The following IRAK2 variants were observed in gnomAD, a reference collection of about 807,000 sequenced individuals.
The protein encoded by IRAK2 is interleukin 1 receptor associated kinase 2, also known as interleukin-1 receptor-associated kinase-like 2.
IRAK2 carries 57 observed loss-of-function variants against 72.0 expected under a neutral mutation model. The ratio of observed to expected loss-of-function variants is 0.79; its 90% confidence interval spans 0.64 to 0.99. The LOEUF is 0.99. Among genes scored for constraint, IRAK2 ranks in the 50% least tolerant of loss-of-function variants. IRAK2 has a pLI of 0.00. For synonymous variants in IRAK2, 293 were observed against 312.7 expected, an observed-to-expected ratio of 0.94 and a Z score of 0.67; for missense variants, 790 against 794.4, an observed-to-expected ratio of 0.99 and a Z score of 0.07.
At chr3:10,212,828 G>A (rs1460217117) in intron 4 of IRAK2, among the ~76,000 whole-genome samples, 8 of 146,270 alleles carry the variant, frequency 5.5e-5, no homozygotes, top group African/African-American at 1.5e-4. Flanking sequence ...GCAGTGGCGC[G>A]ATCTCGGCTC....
At chr3:10,217,146 C>T (rs2125157829) in intron 7 of IRAK2, 98 bp downstream of exon 7, 1 of 829,736 alleles carries the variant, frequency 1.2e-6, no homozygotes, top group African/African-American at 1.7e-5. Flanking sequence ...GGAGAGGGGC[C>T]ATCTAGGTGA....
intron 3 of IRAK2, among the ~76,000 whole-genome samples, chr3:10,207,949 G>GCCA (rs1697456739): frequency 7.0e-6 from 1 of 143,558 alleles, no homozygotes; most frequent in Non-Finnish European, 1.5e-5. Context: ...CTGAGATTGT[G>GCCA]CCACTGCACT....
chr3:10,172,179 G>A (rs1203335400), intron 1 of IRAK2, among the ~76,000 whole-genome samples: 2 of 151,462 alleles, frequency 1.3e-5, no homozygotes, highest in African/African-American at 4.9e-5. Flanking sequence ...GACCATCCTG[G>A]CTAACACAGT....
chr3:10,174,734 A>G (rs1197256048), intron 1 of IRAK2, among the ~76,000 whole-genome samples: 1 of 152,048 alleles, frequency 6.6e-6, no homozygotes, highest in East Asian at 1.9e-4. Context: ...CATGTTGGCC[A>G]GGCTGGTCTC....
At chr3:10,221,128 C>T (rs1432520893) in intron 8 of IRAK2, among the ~76,000 whole-genome samples, 1 of 151,106 alleles carries the variant, frequency 6.6e-6, no homozygotes, top group African/African-American at 2.4e-5. Flanking sequence ...CGCGGTGGCT[C>T]ACGCCTGTAA....
At chr3:10,232,334 A>G (rs895050424) in intron 10 of IRAK2, among the ~76,000 whole-genome samples, 1 of 152,128 alleles carries the variant, frequency 6.6e-6, no homozygotes, top group Non-Finnish European at 1.5e-5. Context: ...GGCAGTTAGC[A>G]CTTGTGACTT....
rs776630647 is a variant in IRAK2, at chr3:10,209,619, C to G, written c.455C>G (p.Ala152Gly). The part of the protein sequence containing the change: ...GSSPARAHQP[A>G]FLQPPEEDAP... The stretch of plus-strand genomic sequence containing the variant: ...TCTCCAGCCAGAGCCCACCAGCCGG[C>G]CTTTCTCCAGCCTCCTGAAGAAGAT... Residue 152 changes from alanine (A) to glycine (G), a missense_variant, in exon 4 of 13, where the codon GCC becomes GGC. Ala to Gly is a moderately conservative substitution (Grantham distance 60). Coordinates refer to ENST00000256458, the MANE Select transcript of IRAK2 (RefSeq NM_001570.4). The G allele has an allele frequency of 8.3e-6, 13 of 1,569,078 alleles. No individual in the cohort carries two copies. The South Asian group carries it at 1.4e-4, about 17-fold the overall frequency.
At chr3:10,232,654 A>G (rs1182097707) in intron 10 of IRAK2, among the ~76,000 whole-genome samples, 1 of 152,134 alleles carries the variant, frequency 6.6e-6, no homozygotes, top group Non-Finnish European at 1.5e-5. Context: ...CATAGCAATG[A>G]TGGCAGGTTT....
chr3:10,204,008 G>A (rs1031776316), intron 3 of IRAK2, among the ~76,000 whole-genome samples: 1 of 152,222 alleles, frequency 6.6e-6, no homozygotes, highest in African/African-American at 2.4e-5. Flanking sequence ...TCAGATGAAA[G>A]GGTTTTGAGC....
chr3:10,184,529 A>G lies in IRAK2; in HGVS notation c.277+6509A>G, dbSNP rs893123009. Among the ~76,000 whole-genome samples, 10 of 147,592 alleles carry G rather than the reference A, an allele frequency of 6.8e-5. 1 individual carries two copies. The highest frequency in any genetic ancestry group is 1.0e-4 in the Non-Finnish European group (7 of 67,972). ...CCCAGTGACCCAGGGCCTCTCAACCAAAGAGAAGCTGTCTGCATCCCCTTC... is the reference window on the plus strand; with the variant it reads ...CCCAGTGACCCAGGGCCTCTCAACCGAAGAGAAGCTGTCTGCATCCCCTTC... On this transcript the variant is annotated intron_variant, in intron 2 of 12. Coordinates refer to ENST00000256458, the MANE Select transcript of IRAK2 (RefSeq NM_001570.4).
At chr3:10,216,885 T>A (rs1386548631) in intron 6 of IRAK2, 49 bp from the exon 7 acceptor site, 1 of 1,381,074 alleles carries the variant, frequency 7.2e-7, no homozygotes, top group Non-Finnish European at 1.0e-6. Context: ...AGGAAGTAGA[T>A]CATTCTTTCC....
At chr3:10,220,694 G>T (rs1458918524) in intron 8 of IRAK2, among the ~76,000 whole-genome samples, 2 of 152,056 alleles carry the variant, frequency 1.3e-5, no homozygotes, top group Non-Finnish European at 2.9e-5. Flanking sequence ...ACCCGCCTTG[G>T]TCTCCTATAG....
intron 12 of IRAK2, among the ~76,000 whole-genome samples, chr3:10,240,459 AAAAAAAAAAGGTACCTTCCATT>A (rs920465214): frequency 2.2e-5 from 3 of 135,654 alleles, no homozygotes; most frequent in African/African-American, 9.8e-5. Context: ...TGTCTCAGGG[AAAAAAAAAAGGTACCTTCCATT>A]CCTGCCACTC....
At chr3:10,189,135 G>A (rs1340842652) in intron 2 of IRAK2, among the ~76,000 whole-genome samples, 1 of 152,234 alleles carries the variant, frequency 6.6e-6, no homozygotes, top group Non-Finnish European at 1.5e-5. Context: ...AAGGATAAAT[G>A]TAGGTCAGGT....
chr3:10,207,489 C>T (rs1054302069), intron 3 of IRAK2, among the ~76,000 whole-genome samples: 2 of 152,112 alleles, frequency 1.3e-5, no homozygotes, highest in Admixed American at 6.5e-5. Context: ...TGCTTCTGTG[C>T]GGACCAGCCA....
At chr3:10,176,835 C>G (rs1696883825) in intron 1 of IRAK2, among the ~76,000 whole-genome samples, 1 of 150,018 alleles carries the variant, frequency 6.7e-6, no homozygotes, top group African/African-American at 2.5e-5. Context: ...TGGAGTCTCG[C>G]TCTGTCGCCC....
At chr3:10,171,246 C>G (rs923412263) in intron 1 of IRAK2, among the ~76,000 whole-genome samples, 1 of 152,198 alleles carries the variant, frequency 6.6e-6, no homozygotes, top group Admixed American at 6.5e-5. Flanking sequence ...TTCACTCATG[C>G]GTGTGCCAGC....
At chr3:10,233,709 G>A (rs971311867) in intron 10 of IRAK2, among the ~76,000 whole-genome samples, 8 of 152,138 alleles carry the variant, frequency 5.3e-5, no homozygotes, top group Admixed American at 5.2e-4. Context: ...TGCTTATCAT[G>A]TAGTAAGTGC....
intron 2 of IRAK2, among the ~76,000 whole-genome samples, chr3:10,197,004 T>C (rs1697277637): frequency 6.6e-6 from 1 of 152,198 alleles, no homozygotes; most frequent in African/African-American, 2.4e-5. Flanking sequence ...AAAAGAAGTA[T>C]ACTTTACTGT....
Sources: gnomAD v4.1 joint callset for allele counts (sites outside exome capture counted in the v4.1 genomes callset) on GRCh38, gnomAD v4.1.1 for gene constraint, MANE v1.5 for transcripts, NCBI Gene and HGNC (gene_info 2026-07-23, HGNC 2026-07-21) for gene names.